Variants in FAM167A observed in about 807,000 individuals in gnomAD.
The protein encoded by FAM167A is family with sequence similarity 167 member A, also known as protein FAM167A.
A neutral mutation model predicts 14.9 loss-of-function variants in FAM167A; 23 were observed. That is an observed-to-expected ratio of 1.55 (90% CI 1.11 to 2.19). The LOEUF (loss-of-function observed/expected upper bound fraction) is 2.19. Ranked by LOEUF, FAM167A falls within the 30% of genes most tolerant of loss-of-function variation. The pLI, the probability that FAM167A is intolerant of heterozygous loss-of-function variation, is 0.00. For synonymous variants in FAM167A, 174 were observed against 117.7 expected, an observed-to-expected ratio of 1.48 and a Z score of -3.10; for missense variants, 401 against 281.5, an observed-to-expected ratio of 1.42 and a Z score of -3.04.
intron 2 of FAM167A, among the ~76,000 whole-genome samples, chr8:11,431,176 G>A (rs573775130): frequency 6.6e-6 from 1 of 152,386 alleles, no homozygotes; most frequent in Admixed American, 6.5e-5. Context: ...TCCACACAAT[G>A]TGGCCTATCC....
At chr8:11,427,574 T>G (rs1805267099) in intron 2 of FAM167A, among the ~76,000 whole-genome samples, 1 of 152,240 alleles carries the variant, frequency 6.6e-6, no homozygotes, top group Non-Finnish European at 1.5e-5. Flanking sequence ...TGTTCTCACT[T>G]TCTCCCTGTT....
intron 1 of FAM167A, among the ~76,000 whole-genome samples, chr8:11,451,948 C>A (rs748272188): frequency 6.6e-6 from 1 of 152,182 alleles, no homozygotes; most frequent in African/African-American, 2.4e-5. Context: ...TTCTCTTGCT[C>A]ACAACCAAGA....
rs959743463 is a variant in FAM167A at position 11,422,000 on chromosome 8, C to A, written c.*2373G>T. The A allele has an allele frequency of 2.5e-6, 1 of 395,956 alleles. No individual in the cohort carries two copies. The allele number at this position is 395,956 out of a possible 1,614,324, so 24.5% of individuals were successfully genotyped here. On this transcript the variant is annotated 3_prime_UTR_variant, in exon 3 of 3. Coordinates refer to ENST00000284486, the MANE Select transcript of FAM167A (RefSeq NM_053279.3). ...AAAACATCGCTGTCCCCCTCCACTT[C>A]TCATCTTGGGTCACCTCCTCATCCC...
At position 11,444,635 on chromosome 8, in the gene FAM167A, G is replaced by C. The variant is rs552154646; in HGVS notation, c.-224C>G. 7.5e-7 allele frequency: 1 copy of C among 1,334,112 alleles called. No individual in the cohort carries two copies. The highest frequency in any genetic ancestry group is 9.6e-7 in the Non-Finnish European group (1 of 1,047,046). The allele number at this position is 1,334,112 out of a possible 1,614,324, so 82.6% of individuals were successfully genotyped here. On this transcript the variant is annotated 5_prime_UTR_variant, in exon 2 of 3. Coordinates refer to ENST00000284486, the MANE Select transcript of FAM167A (RefSeq NM_053279.3). ...TCCTGGAGGCTCGGGTCTATGATCC[G>C]TCCTGGAAGCCTGTGGGTGCCATGC...
At chr8:11,471,432 C>A (rs1362878549), upstream of FAM167A, among the ~76,000 whole-genome samples, 1 of 152,104 alleles carries the variant, frequency 6.6e-6, no homozygotes, top group Non-Finnish European at 1.5e-5. Flanking sequence ...TTTCTGCTGG[C>A]TCAAGGTGAT....
At chr8:11,470,407 C>T (rs1373548068), upstream of FAM167A, among the ~76,000 whole-genome samples, 1 of 152,106 alleles carries the variant, frequency 6.6e-6, no homozygotes, top group East Asian at 1.9e-4. Context: ...GCCTCGAGGC[C>T]AGAATGCAGC....
chr8:11,448,211 A>G (rs1445991087), intron 1 of FAM167A, among the ~76,000 whole-genome samples: 1 of 143,538 alleles, frequency 7.0e-6, no homozygotes, highest in Admixed American at 7.0e-5. Context: ...AAAAAAAAAA[A>G]AGTTCTAAGA....
upstream of FAM167A, among the ~76,000 whole-genome samples, chr8:11,470,566 C>T (rs948856198): frequency 3.9e-5 from 6 of 152,172 alleles, no homozygotes; most frequent in South Asian, 8.3e-4. Flanking sequence ...AGACTCTGCT[C>T]TCTTGTCACT....
At chr8:11,448,320 C>A (rs116305782) in intron 1 of FAM167A, among the ~76,000 whole-genome samples, 1,843 of 150,662 alleles carry the variant, frequency 0.012, 48 homozygotes, top group African/African-American at 0.042. Context: ...ACATCTACCT[C>A]GTAAGTCCTA....
At chr8:11,426,652 G>T (rs900823739) in intron 2 of FAM167A, among the ~76,000 whole-genome samples, 1 of 152,172 alleles carries the variant, frequency 6.6e-6, no homozygotes, top group Non-Finnish European at 1.5e-5. Context: ...AAAGGGGAAG[G>T]AGTGGATACT....
upstream of FAM167A, among the ~76,000 whole-genome samples, chr8:11,469,703 CA>C (rs113586541): frequency 0.052 from 7,523 of 146,048 alleles, 560 homozygotes; most frequent in African/African-American, 0.16. Context: ...CCCACTTCTA[CA>C]AAAAAAAAAT....
At chr8:11,449,040 G>A (rs908173219) in intron 1 of FAM167A, among the ~76,000 whole-genome samples, 4 of 152,262 alleles carry the variant, frequency 2.6e-5, no homozygotes, top group Admixed American at 6.5e-5. Flanking sequence ...GTGGTCACCC[G>A]TAGCTGGCAG....
At chr8:11,450,480 A>G (rs189459689) in intron 1 of FAM167A, among the ~76,000 whole-genome samples, 182 of 152,346 alleles carry the variant, frequency 1.2e-3, no homozygotes, top group Non-Finnish European at 2.1e-3. Flanking sequence ...CACAGAGCTT[A>G]TAAGTGGTGA....
At chr8:11,449,085 G>C (rs1806914249) in intron 1 of FAM167A, among the ~76,000 whole-genome samples, 1 of 152,226 alleles carries the variant, frequency 6.6e-6, no homozygotes, top group Non-Finnish European at 1.5e-5. Context: ...CAGATGGTGA[G>C]GAGCTGCTGC....
chr8:11,427,567 T>C (rs1426171929), intron 2 of FAM167A, among the ~76,000 whole-genome samples: 1 of 152,224 alleles, frequency 6.6e-6, no homozygotes, highest in Non-Finnish European at 1.5e-5. Context: ...AAGGCAGTGT[T>C]CTCACTTTCT....
intron 1 of FAM167A, among the ~76,000 whole-genome samples, chr8:11,464,073 G>A (rs1034987920): frequency 1.3e-5 from 2 of 152,166 alleles, no homozygotes; most frequent in Non-Finnish European, 2.9e-5. Flanking sequence ...AAGTCCTCTC[G>A]AGAGTGGCTG....
At chr8:11,428,304 G>A (rs1281188794) in intron 2 of FAM167A, among the ~76,000 whole-genome samples, 1 of 152,192 alleles carries the variant, frequency 6.6e-6, no homozygotes, top group African/African-American at 2.4e-5. Flanking sequence ...TCTGGTCAAA[G>A]GTCAGAGAAC....
chr8:11,432,833 A>T (rs1371112198), intron 2 of FAM167A, among the ~76,000 whole-genome samples: 1 of 152,212 alleles, frequency 6.6e-6, no homozygotes, highest in African/African-American at 2.4e-5. Context: ...TCAATGATAG[A>T]CTGGATTAAG....
intron 1 of FAM167A, among the ~76,000 whole-genome samples, chr8:11,473,262 G>C (rs28377323): frequency 0.3 from 45,548 of 152,052 alleles, 7,204 homozygotes; most frequent in Middle Eastern, 0.4. Flanking sequence ...AAGGTGCAGA[G>C]GACAGACTGA....
Sources: allele counts gnomAD v4.1 joint callset (sites outside exome capture counted in the v4.1 genomes callset), GRCh38; gene constraint gnomAD v4.1.1; transcripts MANE v1.5; gene names NCBI Gene and HGNC (gene_info 2026-07-23, HGNC 2026-07-21).